The following CCDC85A variants were observed in gnomAD, a reference collection of about 807,000 sequenced individuals.
CCDC85A encodes coiled-coil domain-containing protein 85A.
CCDC85A carries 38 observed loss-of-function variants against 50.2 expected under a neutral mutation model. The ratio of observed to expected loss-of-function variants is 0.76; its 90% CI spans 0.58 to 0.99. The LOEUF (loss-of-function observed/expected upper bound fraction) is 0.99. Ranked by LOEUF, CCDC85A falls within the 50% of genes least tolerant of loss-of-function variation. The probability of loss-of-function intolerance (pLI) is 0.00; values close to 1 mark genes in which losing one functional copy is unlikely to be tolerated. For synonymous variants in CCDC85A, 366 were observed against 301.4 expected, an observed-to-expected ratio of 1.21 and a Z score of -2.22; for missense variants, 820 against 742.0, an observed-to-expected ratio of 1.11 and a Z score of -1.22.
Position 56,343,053 on chromosome 2 carries a change from G to T in CCDC85A, c.1317+98G>T, listed in dbSNP as rs1674454592. 4.9e-6 allele frequency: 4 copies of T among 822,416 alleles called. No homozygotes were observed. The East Asian group carries it at 1.1e-4, about 24-fold the overall frequency. 50.9% of individuals were successfully genotyped at this position (822,416 alleles called of 1,614,324 possible). On this transcript the variant is annotated intron_variant, in intron 3 of 5. Transcript: ENST00000407595. The stretch of plus-strand genomic sequence containing the variant: ...CTCAATGACGTTTTGTCTTTTAAAT[G>T]ATAGAAATCATTTTGTAAATAGCCA...
At chr2:56,313,780 G>C (rs571371273) in intron 2 of CCDC85A, among the ~76,000 whole-genome samples, 1 of 152,132 alleles carries the variant, frequency 6.6e-6, no homozygotes, top group South Asian at 2.1e-4. Flanking sequence ...AAATAGCTCA[G>C]TGGGCAGCAG....
intron 2 of CCDC85A, among the ~76,000 whole-genome samples, chr2:56,321,612 A>G (rs1469677606): frequency 6.6e-6 from 1 of 152,174 alleles, no homozygotes; most frequent in African/African-American, 2.4e-5. Flanking sequence ...TTCAAGGAGA[A>G]CTACAAACCA....
chr2:56,329,708 A>G (rs556684723), intron 2 of CCDC85A, among the ~76,000 whole-genome samples: 1 of 152,244 alleles, frequency 6.6e-6, no homozygotes, highest in East Asian at 1.9e-4. Flanking sequence ...TATGCTGGCT[A>G]AATTCAATGA....
intron 2 of CCDC85A, among the ~76,000 whole-genome samples, chr2:56,215,317 G>C (rs555409639): frequency 6.6e-6 from 1 of 151,958 alleles, no homozygotes; most frequent in African/African-American, 2.4e-5. Flanking sequence ...TTTCTACATA[G>C]GTAGTCACAG....
At chr2:56,213,777 C>A (rs966924313) in intron 2 of CCDC85A, among the ~76,000 whole-genome samples, 1 of 151,898 alleles carries the variant, frequency 6.6e-6, no homozygotes, top group East Asian at 1.9e-4. Flanking sequence ...ATTTTCTTTT[C>A]TCCCTTGCCT....
chr2:56,248,527 C>G (rs1455601851), intron 2 of CCDC85A, among the ~76,000 whole-genome samples: 1 of 152,112 alleles, frequency 6.6e-6, no homozygotes, highest in African/African-American at 2.4e-5. Flanking sequence ...CCCTGGCATC[C>G]TAGGGCTCCC....
In CCDC85A at chr2:56,340,647, G is replaced by A. The variant is rs189259619; in HGVS notation, c.1241-2232G>A. Among the ~76,000 whole-genome samples the A allele has an allele frequency of 6.6e-3, 1,000 of 152,098 alleles. 11 individuals carry two copies. Among genetic ancestry groups the A allele is most frequent in the African/African-American group, 0.022 (922 of 41,468 alleles). On this transcript the variant is annotated intron_variant, in intron 2 of 5. Transcript: ENST00000407595. ...TCCCAGCACTTTGGGAGGCCGAGGC[G>A]GGAGGATCTTTTGAGGTCGGGAGTT... is the stretch of plus-strand genomic sequence containing the variant.
At chr2:56,190,677 T>C (rs1416136940) in intron 1 of CCDC85A, among the ~76,000 whole-genome samples, 2 of 152,134 alleles carry the variant, frequency 1.3e-5, no homozygotes, top group Admixed American at 1.3e-4. Flanking sequence ...TTTGAGGACC[T>C]GAAACACAGC....
chr2:56,245,828 C>T (rs949601062), intron 2 of CCDC85A, among the ~76,000 whole-genome samples: 6 of 152,146 alleles, frequency 3.9e-5, no homozygotes, highest in African/African-American at 1.4e-4. Context: ...GCCCTTCTGC[C>T]ATGTGTGGAT....
At chr2:56,335,880 G>A (rs908325164) in intron 2 of CCDC85A, among the ~76,000 whole-genome samples, 7 of 152,032 alleles carry the variant, frequency 4.6e-5, no homozygotes, top group Non-Finnish European at 4.4e-5. Flanking sequence ...GATTACAGGC[G>A]TGAGCCACTG....
rs980005802 is a variant in CCDC85A, at chr2:56,192,375, A to C, written c.277-102A>C. On this transcript the variant is annotated intron_variant, in intron 1 of 5. Transcript: ENST00000407595. This position sits in a 1 kb window ranked among gnomAD's most constrained non-coding sequence, Gnocchi z 4.7. ...CTCCCTCACCTCCTCCCCTAACCTC[A>C]CAGGTAATTCACCAGTTACAGGCTC... 6.0e-6 allele frequency: 9 copies of C among 1,497,884 alleles called. No homozygotes were observed. The African/African-American group carries it at 1.1e-4, about 19-fold the overall frequency. The allele number at this position is 1,497,884 out of a possible 1,614,324, so 92.8% of individuals were successfully genotyped here. A position where few individuals can be genotyped will look rare whatever the true frequency, so the allele number is the denominator to read the frequency against.
At chr2:56,327,957 T>C (rs1448053866) in intron 2 of CCDC85A, among the ~76,000 whole-genome samples, 6 of 152,104 alleles carry the variant, frequency 3.9e-5, no homozygotes, top group Non-Finnish European at 7.4e-5. Flanking sequence ...ATTAATTCAC[T>C]TGATTTTCAC....
At chr2:56,219,129 A>G (rs1382648578) in intron 2 of CCDC85A, among the ~76,000 whole-genome samples, 1 of 149,976 alleles carries the variant, frequency 6.7e-6, no homozygotes, top group African/African-American at 2.5e-5. Flanking sequence ...ACATGCATCC[A>G]TGCATGCACA....
At chr2:56,219,740 T>C (rs149009430) in intron 2 of CCDC85A, among the ~76,000 whole-genome samples, 58 of 152,086 alleles carry the variant, frequency 3.8e-4, no homozygotes, top group African/African-American at 1.3e-3. Context: ...AACTTCACTT[T>C]GTCCCCTATT....
At chr2:56,269,362 T>TGTGTGTGTG (rs1670599138) in intron 2 of CCDC85A, among the ~76,000 whole-genome samples, 1 of 150,182 alleles carries the variant, frequency 6.7e-6, no homozygotes, top group Admixed American at 6.6e-5. Flanking sequence ...TGTGTGTGTG[T>TGTGTGTGTG]TTGAAGGAGG....
At chr2:56,306,350 A>C (rs998537347) in intron 2 of CCDC85A, among the ~76,000 whole-genome samples, 1 of 151,948 alleles carries the variant, frequency 6.6e-6, no homozygotes, top group Admixed American at 6.6e-5. Context: ...CTGGTCTTGA[A>C]CTCCTGACCT....
intron 2 of CCDC85A, among the ~76,000 whole-genome samples, chr2:56,229,978 G>A (rs888976360): frequency 3.3e-5 from 5 of 152,162 alleles, no homozygotes; most frequent in African/African-American, 9.7e-5. Context: ...TTATGCAGTT[G>A]CCAGAGAATC....
At chr2:56,348,666 C>G (rs1282776613) in intron 3 of CCDC85A, among the ~76,000 whole-genome samples, 2 of 152,156 alleles carry the variant, frequency 1.3e-5, no homozygotes, top group African/African-American at 2.4e-5. Flanking sequence ...AAATCAAGCT[C>G]TCACTTCCAT....
At chr2:56,369,581 A>G (rs1275323125) in intron 3 of CCDC85A, among the ~76,000 whole-genome samples, 4 of 152,128 alleles carry the variant, frequency 2.6e-5, no homozygotes, top group Admixed American at 2.6e-4. Context: ...AAAGTCTTCA[A>G]GTCAGGCTGA....
Sources: gnomAD v4.1 joint callset for allele counts (sites outside exome capture counted in the v4.1 genomes callset) on GRCh38, gnomAD v4.1.1 for gene constraint, Gnocchi (gnomAD v3.1) non-coding constraint, MANE v1.5 for transcripts, NCBI Gene and HGNC (gene_info 2026-07-23, HGNC 2026-07-21) for gene names.